PITRM1: variants seen among roughly 807,000 people sequenced by gnomAD.
PITRM1 encodes presequence protease, mitochondrial.
PITRM1 carries 100 observed loss-of-function variants against 129.9 expected under a neutral mutation model. That is an observed-to-expected ratio of 0.77 (90% CI 0.65 to 0.91). The LOEUF (loss-of-function observed/expected upper bound fraction) is 0.91. Ranked by LOEUF, PITRM1 falls within the 40% of genes least tolerant of loss-of-function variation. The pLI is 0.00. For synonymous variants in PITRM1, 591 were observed against 508.8 expected (o/e 1.16, Z -2.17); for missense variants, 1,471 against 1,318.3 (o/e 1.12, Z -1.79).
chr10:3,151,497 G>A, intron 14 of PITRM1, 134 bp from the exon 15 acceptor site: 1 of 622,796 alleles, frequency 1.6e-6, no homozygotes, highest in East Asian at 2.8e-5. Context: ...GGAGCACTGT[G>A]GTTTGCAAAG....
chr10:3,166,941 C>T lies in PITRM1; in HGVS notation c.261G>A (p.Leu87=), dbSNP rs1166374773. ...TCTTACAATGCACCACACACCTGAA[C>T]AGATTATTCGTGTCTTCTCTGGCCA... ...LHLAREDTNN[L]FSVQFRTTPM... Residue 87 remains leucine, a synonymous_variant, in exon 3 of 27, where the codon CTG becomes CTA. Coordinates refer to ENST00000224949, the MANE Select transcript of PITRM1 (RefSeq NM_014889.4). 6 of 1,582,948 alleles carry T rather than the reference C, an allele frequency of 3.8e-6. No homozygotes were observed. Among genetic ancestry groups the T allele is most frequent in the Non-Finnish European group, 5.2e-6 (6 of 1,153,696 alleles).
At chr10:3,159,700 T>C (rs1842280912) in intron 9 of PITRM1, 148 bp downstream of exon 9, 1 of 535,680 alleles carries the variant, frequency 1.9e-6, no homozygotes, top group Non-Finnish European at 3.3e-6. Context: ...CTTCGACATT[T>C]TGTTCTCTAT....
chr10:3,149,273 C>G (rs115851743), intron 16 of PITRM1: 2,730 of 183,398 alleles, frequency 0.015, 86 homozygotes, highest in African/African-American at 0.062. Flanking sequence ...GAGCCACGCA[C>G]GCAGCAGGCA....
Position 3,172,677 on chromosome 10 carries a change from G to A in PITRM1, c.56+40C>T, listed in dbSNP as rs751795184. Reference sequence around the variant, plus strand: ...GCCTGCCCTGGACCCTCCCCTCCCGGGTACCAGCGCGCCGAGCGCCTCCCG... The same window carrying A: ...GCCTGCCCTGGACCCTCCCCTCCCGAGTACCAGCGCGCCGAGCGCCTCCCG... On this transcript the variant is annotated intron_variant, in intron 1 of 26. Coordinates refer to ENST00000224949, the MANE Select transcript of PITRM1 (RefSeq NM_014889.4). The A allele has an allele frequency of 1.8e-5, 27 of 1,521,568 alleles. No homozygotes were observed. The Middle Eastern group carries it at 3.8e-3, about 215-fold the overall frequency. The allele number at this position is 1,521,568 out of a possible 1,614,324, so 94.3% of individuals were successfully genotyped here.
At position 3,163,696 on chromosome 10, in the gene PITRM1, A is replaced by G. The variant is rs1230428405; in HGVS notation, c.791+29T>C. 6 of 1,568,180 alleles carry G rather than the reference A, an allele frequency of 3.8e-6. No individual in the cohort carries two copies. In the South Asian group the frequency reaches 7.0e-5, roughly 18 times the overall value. On this transcript the variant is annotated intron_variant, in intron 7 of 26. Coordinates refer to ENST00000224949, the MANE Select transcript of PITRM1 (RefSeq NM_014889.4). ...CAAACAAGTCAACTTTTCACAATCC[A>G]CCATCAAACTTTTCCAACAAAATAT...
intron 24 of PITRM1, among the ~76,000 whole-genome samples, chr10:3,140,054 C>T (rs534300070): frequency 3.3e-5 from 5 of 152,368 alleles, no homozygotes; most frequent in African/African-American, 9.6e-5. Flanking sequence ...CAACCTCAGA[C>T]AGCCACTATG....
intron 14 of PITRM1, 105 bp from the exon 15 acceptor site, chr10:3,151,468 G>A (rs145254593): frequency 2.6e-5 from 19 of 719,750 alleles, no homozygotes; most frequent in East Asian, 1.1e-4. Flanking sequence ...AGCCGTCCAC[G>A]CCAAGTGTGG....
At chr10:3,144,019 G>T in intron 22 of PITRM1, 1 of 563,684 alleles carries the variant, frequency 1.8e-6, no homozygotes, top group Non-Finnish European at 3.2e-6. Flanking sequence ...ACCCAGAGCA[G>T]TAGCCCTCTT....
At position 3,151,361 on chromosome 10, in the gene PITRM1, G is replaced by A. The variant is rs1159193255; in HGVS notation, c.1624C>T (p.Leu542=). ...TTGCTTTGTTGACTCCGTAATTCTA[G>A]ACCTAAAAAAGAAACAAGAAAAAGG... is the stretch of plus-strand genomic sequence containing the variant. ...GDRQQIYEKG[L]ELRSQQSKPQ... The change falls in exon 15 of 27, where the codon CTA becomes TTA. Residue 542 remains leucine (L), a splice_region_variant and synonymous_variant. Transcript: ENST00000224949. 7 of 1,579,360 alleles carry A rather than the reference G, an allele frequency of 4.4e-6. No individual in the cohort carries two copies. In the Admixed American group the frequency reaches 5.1e-5, roughly 12 times the overall value.
intron 2 of PITRM1, among the ~76,000 whole-genome samples, chr10:3,167,304 CGCGA>C (rs1842958658): frequency 6.6e-6 from 1 of 150,544 alleles, no homozygotes; most frequent in Non-Finnish European, 1.5e-5. Flanking sequence ...AGCGAGCGAG[CGCGA>C]GAGCGCACGC....
chr10:3,166,836 G>T (rs948632023), intron 3 of PITRM1, 100 bp downstream of exon 3: 1 of 671,682 alleles, frequency 1.5e-6, no homozygotes, highest in Non-Finnish European at 2.6e-6. Context: ...GCCTAAGACA[G>T]TTGTTCTTCT....
intron 6 of PITRM1, among the ~76,000 whole-genome samples, chr10:3,164,604 G>A (rs762943155): frequency 3.9e-4 from 60 of 152,120 alleles, no homozygotes; most frequent in African/African-American, 1.0e-3. Flanking sequence ...GTTTTAATGA[G>A]GACCCAAACA....
chr10:3,144,382 C>A lies in PITRM1; in HGVS notation c.2458-16G>T, dbSNP rs775197433. Reference sequence around the variant, plus strand: ...GCACAGGTTTCTGAAAATCAAGTTTCCAAGAGAAAAGAGAAAAATCCAGAA... The same window carrying A: ...GCACAGGTTTCTGAAAATCAAGTTTACAAGAGAAAAGAGAAAAATCCAGAA... On this transcript the variant is annotated splice_polypyrimidine_tract_variant and intron_variant, in intron 21 of 26. Transcript: ENST00000224949. 10 of 1,519,614 alleles carry A rather than the reference C, an allele frequency of 6.6e-6. No individual in the cohort carries two copies. The South Asian group carries it at 1.1e-4, about 17-fold the overall frequency. The allele number at this position is 1,519,614 out of a possible 1,614,324, so 94.1% of individuals were successfully genotyped here.
intron 14 of PITRM1, 104 bp downstream of exon 14, chr10:3,155,487 C>T: frequency 7.0e-7 from 1 of 1,423,904 alleles, no homozygotes; most frequent in Non-Finnish European, 9.7e-7. Flanking sequence ...CAGCGGACAC[C>T]TGTTGGTTGA....
At chr10:3,165,094 G>A (rs1842746319) in intron 6 of PITRM1, 144 bp downstream of exon 6, 2 of 694,588 alleles carry the variant, frequency 2.9e-6, no homozygotes, top group Non-Finnish European at 4.7e-6. Flanking sequence ...CCCGACTTCT[G>A]CTCACAGCAC....
intron 7 of PITRM1, among the ~76,000 whole-genome samples, chr10:3,161,851 GAA>G (rs10567396): frequency 0.48 from 65,063 of 136,320 alleles, 14,511 homozygotes; most frequent in African/African-American, 0.53. Context: ...CAAGACTGGG[GAA>G]AAAAAAAAAA....
At position 3,163,692 on chromosome 10, in the gene PITRM1, A is replaced by G. The variant is rs1039321445; in HGVS notation, c.791+33T>C. On this transcript the variant is annotated intron_variant, in intron 7 of 26. Transcript: ENST00000224949. ...AACACAAACAAGTCAACTTTTCACA[A>G]TCCACCATCAAACTTTTCCAACAAA... is the stretch of plus-strand genomic sequence containing the variant. 3.2e-6 allele frequency: 5 copies of G among 1,563,706 alleles called. No homozygotes were observed. The East Asian group carries it at 9.2e-5, about 29-fold the overall frequency.
chr10:3,156,705 ATAT>A (rs1191359752), intron 13 of PITRM1, among the ~76,000 whole-genome samples: 1 of 152,242 alleles, frequency 6.6e-6, no homozygotes, highest in Non-Finnish European at 1.5e-5. Flanking sequence ...AAACATACAT[ATAT>A]TCACACACTA....
chr10:3,167,733 T>C (rs1842991923), intron 2 of PITRM1: 1 of 152,264 alleles, frequency 6.6e-6, no homozygotes, highest in Non-Finnish European at 1.5e-5. Context: ...TCTCCTGTAG[T>C]GCGCAGAACG....
Sources: gnomAD v4.1 joint callset for allele counts (sites outside exome capture counted in the v4.1 genomes callset) on GRCh38, gnomAD v4.1.1 for gene constraint, MANE v1.5 for transcripts, NCBI Gene and HGNC (gene_info 2026-07-23, HGNC 2026-07-21) for gene names.